Variants in CDON observed in about 807,000 individuals in gnomAD.
CDON encodes cell adhesion molecule-related/down-regulated by oncogenes.
CDON carries 73 observed loss-of-function variants against 120.9 expected under a neutral mutation model. The ratio of observed to expected loss-of-function variants is 0.60; its 90% CI spans 0.50 to 0.73. The LOEUF (loss-of-function observed/expected upper bound fraction) is 0.73. Among genes scored for constraint, CDON ranks in the 30% least tolerant of loss-of-function variants. The probability of loss-of-function intolerance (pLI) is 0.00; values close to 1 mark genes in which losing one functional copy is unlikely to be tolerated. For missense variants in CDON, 1,470 were observed against 1,587.3 expected (o/e 0.93, Z 1.26); for synonymous variants, 566 against 573.5 (o/e 0.99, Z 0.19).
At chr11:126,019,910 A>G (rs944946760) in intron 3 of CDON, 145 bp from the exon 4 acceptor site, 1 of 725,596 alleles carries the variant, frequency 1.4e-6, no homozygotes, top group Admixed American at 2.2e-5. Flanking sequence ...TGATCTTTTC[A>G]TCTCAGAAAG....
chr11:125,960,673 C>A lies in CDON; in HGVS notation c.*269G>T, dbSNP rs184722269. On this transcript the variant is annotated 3_prime_UTR_variant, in exon 20 of 20. Transcript: ENST00000531738. ...ATAGCTGTTAGAAAACATGGAAGGA[C>A]CCCTCTGCCCTCCAGGTGACTGAAT... 187 of 452,806 alleles carry A rather than the reference C, an allele frequency of 4.1e-4. 2 individuals carry two copies. Among genetic ancestry groups the A allele is most frequent in the African/African-American group, 3.4e-3 (172 of 50,450 alleles). The allele number at this position is 452,806 out of a possible 1,614,324, so 28.0% of individuals were successfully genotyped here.
intron 7 of CDON, chr11:126,014,710 C>T (rs1219868483): frequency 6.5e-6 from 1 of 154,294 alleles, no homozygotes; most frequent in Non-Finnish European, 1.4e-5. Context: ...GACCACTAAG[C>T]AGCAACTTTT....
At chr11:126,036,578 AT>A (rs1948102298) in intron 1 of CDON, among the ~76,000 whole-genome samples, 1 of 152,230 alleles carries the variant, frequency 6.6e-6, no homozygotes, top group African/African-American at 2.4e-5. Context: ...TTCTACCTGT[AT>A]ATACCCTTGT....
At chr11:125,998,167 G>C (rs1276421454) in intron 11 of CDON, among the ~76,000 whole-genome samples, 1 of 152,198 alleles carries the variant, frequency 6.6e-6, no homozygotes, top group East Asian at 1.9e-4. Context: ...CTCTGCAGGA[G>C]GTGAAAACAT....
Position 125,959,018 on chromosome 11 carries a change from A to G in CDON, c.*1924T>C, listed in dbSNP as rs537995012. The stretch of plus-strand genomic sequence containing the variant: ...CCAGAGCTAACTGCATTTAAGCAAC[A>G]TGAAGAATAAATCCAGTATACTATA... On this transcript the variant is annotated 3_prime_UTR_variant, in exon 20 of 20. Transcript: ENST00000531738. 6.6e-6 allele frequency: 1 copy of G among 152,214 alleles called. No individual in the cohort carries two copies. The highest frequency in any genetic ancestry group is 1.5e-5 in the Non-Finnish European group (1 of 68,040). The allele number at this position is 152,214 out of a possible 1,614,324, so 9.4% of individuals were successfully genotyped here.
intron 1 of CDON, among the ~76,000 whole-genome samples, chr11:126,051,646 T>C (rs916041559): frequency 2.3e-5 from 3 of 132,474 alleles, no homozygotes; most frequent in Admixed American, 1.6e-4. Flanking sequence ...AATAGCTATT[T>C]TTTTTCTTTT....
At position 126,017,149 on chromosome 11, in the gene CDON, G is replaced by C; in HGVS notation, c.867C>G (p.Ser289=). The C allele has an allele frequency of 6.2e-7, 1 of 1,614,170 alleles. No individual in the cohort carries two copies. Among genetic ancestry groups the C allele is most frequent in the Non-Finnish European group, 8.5e-7 (1 of 1,180,014 alleles). The change falls in exon 6 of 20, where the codon TCC becomes TCG. Residue 289 remains serine, a synonymous_variant. Transcript: ENST00000531738. The part of the protein sequence containing the change: ...SVDPADSGNY[S]CMAGNKSGDV... ...CTCCAGACTTGTTTCCCGCCATGCA[G>C]GAATAGTTTCCGGAGTCCGCCGGGT... is the stretch of plus-strand genomic sequence containing the variant.
chr11:126,006,735 A>C (rs1295027896), intron 8 of CDON, among the ~76,000 whole-genome samples: 1 of 152,200 alleles, frequency 6.6e-6, no homozygotes, highest in African/African-American at 2.4e-5. Flanking sequence ...GGCAGCCTTA[A>C]CACTTACTAC....
At chr11:126,043,427 G>C (rs138735624) in intron 1 of CDON, among the ~76,000 whole-genome samples, 1 of 152,072 alleles carries the variant, frequency 6.6e-6, no homozygotes. Flanking sequence ...CCCTACTTTC[G>C]TTCTTTTGTT....
At chr11:126,038,600 G>A (rs140122314) in intron 1 of CDON, among the ~76,000 whole-genome samples, 2,000 of 151,798 alleles carry the variant, frequency 0.013, 38 homozygotes, top group African/African-American at 0.045. Flanking sequence ...TGCAGTGAGC[G>A]GAGACTGTCC....
intron 9 of CDON, 149 bp downstream of exon 9, chr11:126,005,610 G>T: frequency 1.3e-6 from 1 of 740,750 alleles, no homozygotes; most frequent in Non-Finnish European, 2.3e-6. Context: ...GGTAAATCCA[G>T]CATGACTGGG....
intron 1 of CDON, among the ~76,000 whole-genome samples, chr11:126,024,037 G>A (rs940594416): frequency 2.0e-5 from 3 of 152,064 alleles, no homozygotes; most frequent in Non-Finnish European, 4.4e-5. Context: ...TTTTTCAGAT[G>A]GAGGACTCCT....
chr11:125,959,074 T>C lies in CDON; in HGVS notation c.*1868A>G, dbSNP rs934733464. On this transcript the variant is annotated 3_prime_UTR_variant, in exon 20 of 20. Coordinates refer to ENST00000531738, the MANE Select transcript of CDON (RefSeq NM_001378964.1). ...GGACATCTGGAATGTAGAACTTGGG[T>C]CTACAGCATCCCTAATATCCGACTA... 6.6e-6 allele frequency: 1 copy of C among 152,178 alleles called. No individual in the cohort carries two copies. The highest frequency in any genetic ancestry group is 2.4e-5 in the African/African-American group (1 of 41,454). The allele number at this position is 152,178 out of a possible 1,614,324, so 9.4% of individuals were successfully genotyped here. A position where few individuals can be genotyped will look rare whatever the true frequency, so the allele number is the denominator to read the frequency against.
intron 1 of CDON, among the ~76,000 whole-genome samples, chr11:126,054,077 G>A (rs1470189299): frequency 2.0e-5 from 3 of 152,026 alleles, no homozygotes; most frequent in South Asian, 2.1e-4. Flanking sequence ...TTAAACATTC[G>A]TTCCCCTTGC....
chr11:126,008,380 C>A (rs1392908046), intron 8 of CDON, among the ~76,000 whole-genome samples: 1 of 152,012 alleles, frequency 6.6e-6, no homozygotes, highest in Non-Finnish European at 1.5e-5. Flanking sequence ...TCGGTTGGAT[C>A]TTAATAATTA....
intron 1 of CDON, among the ~76,000 whole-genome samples, chr11:126,025,550 A>G (rs1331861120): frequency 7.0e-6 from 1 of 143,458 alleles, no homozygotes; most frequent in Non-Finnish European, 1.5e-5. Context: ...GTGTGTGTGT[A>G]TTTTACTATA....
At chr11:126,054,245 T>A (rs758290626) in intron 1 of CDON, among the ~76,000 whole-genome samples, 30 of 152,198 alleles carry the variant, frequency 2.0e-4, no homozygotes, top group Non-Finnish European at 4.1e-4. Flanking sequence ...TGAATATGTT[T>A]TTTAGTACCT....
Position 126,015,418 on chromosome 11 carries a change from G to C in CDON, c.1021C>G (p.Pro341Ala). The change falls in exon 7 of 20, where the codon CCC becomes GCC. Residue 341 changes from proline to alanine, a missense_variant. Physicochemically the swap from Pro to Ala is conservative, Grantham distance 27 (BLOSUM62 -1). Coordinates refer to ENST00000531738, the MANE Select transcript of CDON (RefSeq NM_001378964.1). ...FTCDVHGNPA[P>A]NCTWFHNAQP... is the part of the protein sequence containing the mutation. ...GCATTGTGAAACCAGGTACAGTTGG[G>C]GGCTGGGTTCCCATGAACGTCGCAG... The C allele has an allele frequency of 6.2e-7, 1 of 1,614,148 alleles. No homozygotes were observed. The highest frequency in any genetic ancestry group is 8.5e-7 in the Non-Finnish European group (1 of 1,180,016).
intron 1 of CDON, among the ~76,000 whole-genome samples, chr11:126,033,664 CTTCA>C (rs1326801706): frequency 2.6e-5 from 4 of 152,166 alleles, no homozygotes; most frequent in African/African-American, 7.2e-5. Context: ...AGACACATTC[CTTCA>C]TGCTTACTAA....
Sources: gnomAD v4.1 joint callset for allele counts (sites outside exome capture counted in the v4.1 genomes callset) on GRCh38, gnomAD v4.1.1 for gene constraint, MANE v1.5 for transcripts, NCBI Gene and HGNC (gene_info 2026-07-23, HGNC 2026-07-21) for gene names.